The following ZNF608 variants were observed in gnomAD, a reference collection of about 807,000 sequenced individuals.
ZNF608 encodes renal carcinoma antigen NY-REN-36.
Under a neutral mutation model 109.0 loss-of-function variants are expected in ZNF608, and 12 were observed. The ratio of observed to expected loss-of-function variants is 0.11; its 90% CI spans 0.07 to 0.18. ZNF608 has a LOEUF of 0.18. Ranked by LOEUF, ZNF608 falls within the 10% of genes least tolerant of loss-of-function variation. The pLI is 1.00. For synonymous variants in ZNF608, 732 were observed against 717.4 expected, an observed-to-expected ratio of 1.02 and a Z score of -0.33; for missense variants, 1,707 against 1,879.3, an observed-to-expected ratio of 0.91 and a Z score of 1.70.
At chr5:124,734,996 T>A (rs1022990152) in intron 2 of ZNF608, 4 of 152,216 alleles carry the variant, frequency 2.6e-5, no homozygotes, top group Admixed American at 2.0e-4. Context: ...GGGGCAACCA[T>A]AGTTGCTTTG....
intron 3 of ZNF608, among the ~76,000 whole-genome samples, chr5:124,699,446 A>G (rs1178164620): frequency 6.6e-6 from 1 of 152,252 alleles, no homozygotes. Context: ...CCAAATTAAA[A>G]GTACAAAATG....
intron 2 of ZNF608, among the ~76,000 whole-genome samples, chr5:124,743,700 G>A (rs1213754716): frequency 6.6e-6 from 1 of 152,142 alleles, no homozygotes; most frequent in Non-Finnish European, 1.5e-5. Flanking sequence ...TCCCCTTAAG[G>A]AAGAAAGCAG....
intron 3 of ZNF608, among the ~76,000 whole-genome samples, chr5:124,697,521 A>G (rs73782028): frequency 0.063 from 9,634 of 152,228 alleles, 451 homozygotes; most frequent in African/African-American, 0.13. Flanking sequence ...TACCTTAAAG[A>G]AAAAAGATCA....
At position 124,644,603 on chromosome 5, in the gene ZNF608, T is replaced by C; in HGVS notation, c.3764A>G (p.Gln1255Arg). Reference protein sequence around the residue: ...YVYQPKYLDQQKSEELDREKK... With the variant: ...YVYQPKYLDQRKSEELDREKK... ...CTCTCTATCAAGTTCTTCTGACTTT[T>C]GCTGATCCAGATATTTGGGCTGGTA... The change falls in exon 6 of 10, where the codon CAA becomes CGA. Residue 1255 changes from glutamine (Q) to arginine (R), a missense_variant. Gln to Arg is a conservative substitution (Grantham distance 43, BLOSUM62 1). Coordinates refer to ENST00000513986, the MANE Select transcript of ZNF608 (RefSeq NM_020747.3). 1 of 1,611,948 alleles carries C rather than the reference T, an allele frequency of 6.2e-7. No individual in the cohort carries two copies. Among genetic ancestry groups the C allele is most frequent in the Non-Finnish European group, 8.5e-7 (1 of 1,179,320 alleles).
At chr5:124,722,261 C>T (rs928302331) in intron 2 of ZNF608, among the ~76,000 whole-genome samples, 5 of 152,102 alleles carry the variant, frequency 3.3e-5, no homozygotes, top group African/African-American at 9.7e-5. Context: ...TTATACACTC[C>T]CAAAACGTTT....
chr5:124,650,308 C>T (rs974444663), intron 3 of ZNF608, among the ~76,000 whole-genome samples: 2 of 152,196 alleles, frequency 1.3e-5, no homozygotes, highest in Non-Finnish European at 2.9e-5. Context: ...AGTAATCAGC[C>T]TGGGTACCGT....
intron 2 of ZNF608, among the ~76,000 whole-genome samples, chr5:124,731,376 A>G (rs1748890364): frequency 6.6e-6 from 1 of 152,196 alleles, no homozygotes; most frequent in African/African-American, 2.4e-5. Flanking sequence ...ACACCTGGCT[A>G]ATTTTTGTAT....
intron 3 of ZNF608, among the ~76,000 whole-genome samples, chr5:124,700,802 T>C (rs1213298326): frequency 6.6e-6 from 1 of 152,184 alleles, no homozygotes; most frequent in Non-Finnish European, 1.5e-5. Flanking sequence ...AGAATCACTT[T>C]TAGAAACACC....
chr5:124,747,298 G>C (rs1346006169), upstream of ZNF608, among the ~76,000 whole-genome samples: 1 of 151,002 alleles, frequency 6.6e-6, no homozygotes, highest in Non-Finnish European at 1.5e-5. Context: ...TGTTTAGTCA[G>C]ATGGCCCCGG....
intron 2 of ZNF608, among the ~76,000 whole-genome samples, chr5:124,731,295 C>A (rs1748885020): frequency 6.6e-6 from 1 of 152,166 alleles, no homozygotes; most frequent in Admixed American, 6.5e-5. Flanking sequence ...ACTGCAACCT[C>A]TGCCTCCCGG....
chr5:124,695,255 A>G (rs183325633), intron 3 of ZNF608, among the ~76,000 whole-genome samples: 2 of 152,334 alleles, frequency 1.3e-5, no homozygotes, highest in East Asian at 3.9e-4. Flanking sequence ...ATATACCTCA[A>G]TAAATAATAT....
chr5:124,716,454 G>A (rs1753709164), intron 2 of ZNF608, among the ~76,000 whole-genome samples: 1 of 152,018 alleles, frequency 6.6e-6, no homozygotes, highest in African/African-American at 2.4e-5. Context: ...TGACTATAGT[G>A]CTTATTTTAA....
At position 124,658,560 on chromosome 5, in the gene ZNF608, C is replaced by T. The variant is rs191502709; in HGVS notation, c.1163-8863G>A. Among the ~76,000 whole-genome samples the T allele has an allele frequency of 8.3e-4, 126 of 152,324 alleles. 1 individual carries two copies. Among genetic ancestry groups the T allele is most frequent in the African/African-American group, 3.0e-3 (123 of 41,570 alleles). On this transcript the variant is annotated intron_variant, in intron 3 of 9. Transcript: ENST00000513986. Reference sequence around the variant, plus strand: ...ATGCCAAGTTTGAAACTTAATTTTTCTCCTGCTCCTTGTCAGGCACCACTG... The same window carrying T: ...ATGCCAAGTTTGAAACTTAATTTTTTTCCTGCTCCTTGTCAGGCACCACTG...
At chr5:124,683,014 GTCTCTCTCTC>G (rs70991636) in intron 3 of ZNF608, among the ~76,000 whole-genome samples, 5 of 148,958 alleles carry the variant, frequency 3.4e-5, no homozygotes, top group African/African-American at 7.4e-5. Flanking sequence ...TGGGTGCTCT[GTCTCTCTCTC>G]TCTCTCTCTC....
chr5:124,746,806 G>A, upstream of ZNF608: 2 of 984,458 alleles, frequency 2.0e-6, no homozygotes, highest in Non-Finnish European at 2.4e-6. Flanking sequence ...AAAGGAGGGG[G>A]GGAGTAGAGG....
Position 124,746,547 on chromosome 5 carries a change from C to T in ZNF608, c.-536G>A. 1 of 985,266 alleles carries T rather than the reference C, an allele frequency of 1.0e-6. No homozygotes were observed. The highest frequency in any genetic ancestry group is 1.2e-6 in the Non-Finnish European group (1 of 829,918). 61.0% of individuals were successfully genotyped at this position (985,266 alleles called of 1,614,324 possible). A position where few individuals can be genotyped will look rare whatever the true frequency, so the allele number is the denominator to read the frequency against. ...AGAGAGTTTAGAGAAAAAAGTTTTCCCAACTTCTCATTCCGCCTTCAGTTC... is the reference window on the plus strand; with the variant it reads ...AGAGAGTTTAGAGAAAAAAGTTTTCTCAACTTCTCATTCCGCCTTCAGTTC... On this transcript the variant is annotated 5_prime_UTR_variant, in exon 1 of 10. It introduces an in-frame stop codon into an upstream open reading frame of the 5' UTR. Coordinates refer to ENST00000513986, the MANE Select transcript of ZNF608 (RefSeq NM_020747.3).
At chr5:124,671,959 A>G (rs749134633) in intron 3 of ZNF608, among the ~76,000 whole-genome samples, 1 of 152,150 alleles carries the variant, frequency 6.6e-6, no homozygotes, top group Admixed American at 6.6e-5. Flanking sequence ...CTTTATCATC[A>G]AGTACACAGA....
chr5:124,652,311 A>C (rs777904894), intron 3 of ZNF608, among the ~76,000 whole-genome samples: 1 of 152,182 alleles, frequency 6.6e-6, no homozygotes, highest in Non-Finnish European at 1.5e-5. Flanking sequence ...GGAAAGAAAA[A>C]TCCATTTTCA....
At chr5:124,739,923 T>C (rs1483295208) in intron 2 of ZNF608, among the ~76,000 whole-genome samples, 4 of 152,182 alleles carry the variant, frequency 2.6e-5, no homozygotes, top group Non-Finnish European at 5.9e-5. Flanking sequence ...ACATTTCATT[T>C]ACTAACTATA....
Sources: gnomAD v4.1 joint callset for allele counts (sites outside exome capture counted in the v4.1 genomes callset) on GRCh38, gnomAD v4.1.1 for gene constraint, MANE v1.5 for transcripts, NCBI Gene and HGNC (gene_info 2026-07-23, HGNC 2026-07-21) for gene names.